The following GLG1 variants were observed in gnomAD, a reference collection of about 807,000 sequenced individuals.
GLG1 encodes the protein golgi glycoprotein 1.
GLG1 carries 38 observed loss-of-function variants against 160.5 expected under a neutral mutation model. The observed-to-expected ratio is 0.24, with a 90% CI of 0.18 to 0.31. The LOEUF is 0.31. Among genes scored for constraint, GLG1 ranks in the 10% least tolerant of loss-of-function variants. GLG1 has a pLI of 1.00. For missense variants in GLG1, 1,373 were observed against 1,505.2 expected, an observed-to-expected ratio of 0.91 and a Z score of 1.45; for synonymous variants, 644 against 543.4, an observed-to-expected ratio of 1.19 and a Z score of -2.57.
In GLG1 at chr16:74,448,312, T is replaced by C. The variant is rs1019834724; in HGVS notation, c.*4855A>G. On this transcript the variant is annotated 3_prime_UTR_variant, in exon 26 of 26. Transcript: ENST00000422840. Reference sequence around the variant, plus strand: ...ACGCCCTCTAGGAACCAAAGTCTAGTGGAGAGGAGGCGAGTGGGGAGGAAG... The same window carrying C: ...ACGCCCTCTAGGAACCAAAGTCTAGCGGAGAGGAGGCGAGTGGGGAGGAAG... The C allele has an allele frequency of 6.6e-6, 1 of 151,978 alleles. No homozygotes were observed. Among genetic ancestry groups the C allele is most frequent in the Non-Finnish European group, 1.5e-5 (1 of 67,990 alleles). The allele number at this position is 151,978 out of a possible 1,614,324, so 9.4% of individuals were successfully genotyped here. A position where few individuals can be genotyped will look rare whatever the true frequency, so the allele number is the denominator to read the frequency against.
At chr16:74,480,583 C>T (rs1215121595) in intron 10 of GLG1, among the ~76,000 whole-genome samples, 189 bp from the exon 11 acceptor site, 1 of 150,324 alleles carries the variant, frequency 6.7e-6, no homozygotes, top group African/African-American at 2.4e-5. Flanking sequence ...GACACAGGAT[C>T]TCTCAATCTG....
At chr16:74,598,085 G>A (rs1384058332) in intron 1 of GLG1, among the ~76,000 whole-genome samples, 2 of 152,120 alleles carry the variant, frequency 1.3e-5, no homozygotes, top group Non-Finnish European at 2.9e-5. Context: ...AAGATTAAAT[G>A]AGATAACGCC....
intron 1 of GLG1, among the ~76,000 whole-genome samples, chr16:74,577,792 T>A (rs2019046294): frequency 6.6e-6 from 1 of 151,906 alleles, no homozygotes; most frequent in Non-Finnish European, 1.5e-5. Flanking sequence ...TTTATTTTTA[T>A]TTTTTGTAGA....
At chr16:74,495,959 G>A (rs983602177) in intron 5 of GLG1, among the ~76,000 whole-genome samples, 7 of 152,034 alleles carry the variant, frequency 4.6e-5, no homozygotes, top group African/African-American at 9.7e-5. Flanking sequence ...CTTATTTTAC[G>A]TTAGAATAGA....
At chr16:74,480,151 C>G in intron 11 of GLG1, 90 bp downstream of exon 11, 2 of 1,094,354 alleles carry the variant, frequency 1.8e-6, no homozygotes, top group Non-Finnish European at 2.7e-6. Context: ...AAAAGTTTTC[C>G]TAATATGACT....
chr16:74,537,292 C>A (rs1302231485), intron 1 of GLG1, among the ~76,000 whole-genome samples: 1 of 151,940 alleles, frequency 6.6e-6, no homozygotes, highest in African/African-American at 2.4e-5. Context: ...GGAAAAGCAC[C>A]AAGTACTTGG....
intron 2 of GLG1, among the ~76,000 whole-genome samples, chr16:74,512,917 G>A (rs573495319): frequency 2.0e-5 from 3 of 152,154 alleles, no homozygotes; most frequent in Non-Finnish European, 2.9e-5. Flanking sequence ...TTGATCCTCA[G>A]GGATAAGAAG....
At chr16:74,500,883 C>G (rs566365039) in intron 4 of GLG1, among the ~76,000 whole-genome samples, 1 of 152,284 alleles carries the variant, frequency 6.6e-6, no homozygotes, top group African/African-American at 2.4e-5. Context: ...ATTAATGTAT[C>G]TTCTTTGTTC....
chr16:74,479,447 A>AG (rs56771058), intron 11 of GLG1, among the ~76,000 whole-genome samples: 37,941 of 137,102 alleles, frequency 0.28, 5,296 homozygotes, highest in Middle Eastern at 0.37. Flanking sequence ...ATATGGAGAG[A>AG]AAAAAAAAAA....
At chr16:74,566,142 C>T (rs541423820) in intron 1 of GLG1, among the ~76,000 whole-genome samples, 10 of 152,164 alleles carry the variant, frequency 6.6e-5, no homozygotes, top group South Asian at 6.2e-4. Context: ...TCACTCATAA[C>T]GTCAACTTTG....
intron 1 of GLG1, among the ~76,000 whole-genome samples, chr16:74,546,473 A>C (rs1021334529): frequency 1.3e-5 from 2 of 152,086 alleles, no homozygotes; most frequent in African/African-American, 4.8e-5. Context: ...ATAAAATACA[A>C]GGCTTTGATT....
At position 74,451,880 on chromosome 16, in the gene GLG1, C is replaced by T. The variant is rs1028937586; in HGVS notation, c.*1287G>A. The T allele has an allele frequency of 1.7e-5, 10 of 584,530 alleles. No homozygotes were observed. Among genetic ancestry groups the T allele is most frequent in the South Asian group, 6.2e-5 (3 of 48,362 alleles). 36.2% of individuals were successfully genotyped at this position (584,530 alleles called of 1,614,324 possible). A position where few individuals can be genotyped will look rare whatever the true frequency, so the allele number is the denominator to read the frequency against. On this transcript the variant is annotated 3_prime_UTR_variant, in exon 26 of 26. Coordinates refer to ENST00000422840, the MANE Select transcript of GLG1 (RefSeq NM_001145667.2). ...CCATATTCTGCAAAGGTTGATGAAT[C>T]GCCAAAATACAACATTTAGCCAATG...
In GLG1 at chr16:74,451,905, GC is replaced by G. The variant is rs2143100478; in HGVS notation, c.*1261del. On this transcript the variant is annotated 3_prime_UTR_variant, in exon 26 of 26. Coordinates refer to ENST00000422840, the MANE Select transcript of GLG1 (RefSeq NM_001145667.2). Reference sequence around the variant, plus strand: ...CGCCAAAATACAACATTTAGCCAATGCCTACTAGAGTGGGTACACGCAGCAA... The same window carrying G: ...CGCCAAAATACAACATTTAGCCAATGCTACTAGAGTGGGTACACGCAGCAA... 6 of 625,050 alleles carry G rather than the reference GC, an allele frequency of 9.6e-6. No individual in the cohort carries two copies. The highest frequency in any genetic ancestry group is 1.7e-5 in the Non-Finnish European group (6 of 345,170). The allele number at this position is 625,050 out of a possible 1,614,324, so 38.7% of individuals were successfully genotyped here.
chr16:74,476,607 T>A (rs1435507194), intron 12 of GLG1, among the ~76,000 whole-genome samples: 1 of 152,214 alleles, frequency 6.6e-6, no homozygotes, highest in Non-Finnish European at 1.5e-5. Context: ...CTGCTGAGTA[T>A]CCTGCATTCA....
At chr16:74,527,852 A>T (rs1347890410) in intron 2 of GLG1, among the ~76,000 whole-genome samples, 2 of 150,118 alleles carry the variant, frequency 1.3e-5, no homozygotes, top group Admixed American at 1.3e-4. Flanking sequence ...TCAGCCTCCC[A>T]AGTAGATGGG....
At chr16:74,474,464 T>G (rs1237614074) in intron 13 of GLG1, 82 bp downstream of exon 13, 1 of 779,874 alleles carries the variant, frequency 1.3e-6, no homozygotes, top group Admixed American at 1.8e-5. Context: ...CTCTCAGGAG[T>G]CTAGAAACAG....
At chr16:74,575,300 T>C (rs373673568) in intron 1 of GLG1, among the ~76,000 whole-genome samples, 1 of 152,028 alleles carries the variant, frequency 6.6e-6, no homozygotes, top group African/African-American at 2.4e-5. Flanking sequence ...GAGTAAACTG[T>C]CTGAATCACA....
intron 19 of GLG1, among the ~76,000 whole-genome samples, chr16:74,465,152 A>C (rs2014954018): frequency 1.3e-5 from 2 of 152,166 alleles, no homozygotes; most frequent in Admixed American, 1.3e-4. Flanking sequence ...CCTTGAGTTT[A>C]ATGTATGTGT....
chr16:74,503,575 C>A lies in GLG1; in HGVS notation c.730G>T (p.Asp244Tyr). ...CTGCCACATTTCAGAATGTTGATGTCATTTTTGCAGTCATCCATGAAGCCA... is the reference window on the plus strand; with the variant it reads ...CTGCCACATTTCAGAATGTTGATGTAATTTTTGCAGTCATCCATGAAGCCA... ...ICGFMDDCKN[D>Y]INILKCGSIR... Residue 244 changes from aspartate (D) to tyrosine (Y), a missense_variant, in exon 4 of 26, where the codon GAC becomes TAC. Coordinates refer to ENST00000422840, the MANE Select transcript of GLG1 (RefSeq NM_001145667.2). The A allele has an allele frequency of 6.2e-7, 1 of 1,613,818 alleles. No individual in the cohort carries two copies. Among genetic ancestry groups the A allele is most frequent in the Non-Finnish European group, 8.5e-7 (1 of 1,179,784 alleles).
Sources: allele counts gnomAD v4.1 joint callset (sites outside exome capture counted in the v4.1 genomes callset), GRCh38; gene constraint gnomAD v4.1.1; transcripts MANE v1.5; gene names NCBI Gene and HGNC (gene_info 2026-07-23, HGNC 2026-07-21).